CCDC148: variants seen among roughly 807,000 people sequenced by gnomAD.
CCDC148 encodes coiled-coil domain-containing protein 148.
CCDC148 carries 89 observed loss-of-function variants against 85.7 expected under a neutral mutation model. The ratio of observed to expected loss-of-function variants is 1.04; its 90% CI spans 0.87 to 1.24. CCDC148 has a LOEUF of 1.24. CCDC148 is among the 50% of genes most tolerant of loss of function. The pLI is 0.00. For synonymous variants in CCDC148, 230 were observed against 213.9 expected (o/e 1.08, Z -0.66); for missense variants, 692 against 671.7 (o/e 1.03, Z -0.33).
At chr2:158,215,527 C>T (rs1309969925) in intron 11 of CCDC148, among the ~76,000 whole-genome samples, 2 of 151,712 alleles carry the variant, frequency 1.3e-5, no homozygotes, top group Admixed American at 1.3e-4. Flanking sequence ...GAAGGAGGCA[C>T]CTTTTTCTTT....
chr2:158,340,727 T>C (rs1448464471), intron 3 of CCDC148, 47 bp from the exon 4 acceptor site: 20 of 1,119,252 alleles, frequency 1.8e-5, no homozygotes, highest in Non-Finnish European at 2.6e-5. Flanking sequence ...TAAACATACA[T>C]CTAGGTTTTT....
At chr2:158,176,785 AG>A in intron 12 of CCDC148, 124 bp from the exon 13 acceptor site, 5 of 1,086,296 alleles carry the variant, frequency 4.6e-6, no homozygotes, top group Non-Finnish European at 6.6e-6. Flanking sequence ...CTGAGAGGAA[AG>A]GGCAGAAGAA....
intron 9 of CCDC148, among the ~76,000 whole-genome samples, chr2:158,277,797 C>G (rs1171694842): frequency 6.6e-6 from 1 of 152,238 alleles, no homozygotes; most frequent in East Asian, 1.9e-4. Context: ...GGGGTTTCAC[C>G]GTGTTAGCCA....
chr2:158,264,509 G>A (rs766008399), intron 9 of CCDC148, among the ~76,000 whole-genome samples: 5 of 152,112 alleles, frequency 3.3e-5, no homozygotes, highest in Non-Finnish European at 5.9e-5. Context: ...ATGTTGATAT[G>A]TGTGCATTTT....
At chr2:158,306,944 G>A (rs1173596131) in intron 9 of CCDC148, among the ~76,000 whole-genome samples, 2 of 151,094 alleles carry the variant, frequency 1.3e-5, no homozygotes, top group African/African-American at 2.4e-5. Flanking sequence ...GCGTGAACCC[G>A]GGAGGCGCAG....
At chr2:158,287,431 A>C (rs1690678380) in intron 9 of CCDC148, among the ~76,000 whole-genome samples, 1 of 152,150 alleles carries the variant, frequency 6.6e-6, no homozygotes, top group Admixed American at 6.5e-5. Flanking sequence ...AGAAAATCAA[A>C]AGCAAGTTAG....
At chr2:158,212,022 CTAT>C (rs548646953) in intron 11 of CCDC148, among the ~76,000 whole-genome samples, 1 of 151,924 alleles carries the variant, frequency 6.6e-6, no homozygotes, top group African/African-American at 2.4e-5. Context: ...GTCATAAGTA[CTAT>C]TATTATTATT....
chr2:158,330,351 ATGAAGCCCACT>A (rs1273701956), intron 7 of CCDC148, among the ~76,000 whole-genome samples: 4 of 152,166 alleles, frequency 2.6e-5, no homozygotes, highest in Non-Finnish European at 4.4e-5. Flanking sequence ...CATCCCAGGG[ATGAAGCCCACT>A]TGATTATGGT....
At chr2:158,305,675 G>C (rs141427410) in intron 9 of CCDC148, among the ~76,000 whole-genome samples, 1,876 of 150,288 alleles carry the variant, frequency 0.012, 34 homozygotes, top group African/African-American at 0.039. Flanking sequence ...GATCACTTGA[G>C]CCTGGGACAT....
Position 158,338,891 on chromosome 2 carries a change from A to G in CCDC148, c.599T>C (p.Leu200Ser). ...DWSIKILDHSLEEKTNPLSEL... is the reference protein window; with the variant it reads ...DWSIKILDHSSEEKTNPLSEL... The stretch of plus-strand genomic sequence containing the variant: ...ACTAAGCGGGTTAGTCTTTTCTTCC[A>G]AAGAATGATCTAGAATCTGAAAAAA... The change falls in exon 7 of 14, where the codon TTG becomes TCG. Residue 200 changes from leucine (L) to serine (S), a missense_variant. Physicochemically the swap from Leu to Ser is moderately radical, Grantham distance 145. Transcript: ENST00000283233. 6.2e-7 allele frequency: 1 copy of G among 1,604,636 alleles called. No homozygotes were observed. Among genetic ancestry groups the G allele is most frequent in the South Asian group, 1.1e-5 (1 of 88,604 alleles).
At chr2:158,318,010 T>C (rs914054906) in intron 7 of CCDC148, among the ~76,000 whole-genome samples, 9 of 152,208 alleles carry the variant, frequency 5.9e-5, no homozygotes, top group African/African-American at 1.7e-4. Flanking sequence ...GACCATCCTC[T>C]TGTCTGGCTG....
intron 13 of CCDC148, among the ~76,000 whole-genome samples, chr2:158,172,804 T>C (rs1684381019): frequency 6.6e-6 from 1 of 152,082 alleles, no homozygotes; most frequent in Admixed American, 6.6e-5. Context: ...GAAGTAGACA[T>C]ATGAGTAGTT....
At chr2:158,421,670 T>A (rs903725463) in intron 1 of CCDC148, among the ~76,000 whole-genome samples, 1 of 151,866 alleles carries the variant, frequency 6.6e-6, no homozygotes, top group Non-Finnish European at 1.5e-5. Context: ...AACATCACAA[T>A]TAAAAGAACT....
rs186119824 is a variant in CCDC148, at chr2:158,265,530, T to C, written c.1111-14618A>G. Among the ~76,000 whole-genome samples, 854 of 152,276 alleles carry C rather than the reference T, an allele frequency of 5.6e-3. 11 individuals carry two copies. The highest frequency in any genetic ancestry group is 0.02 in the African/African-American group (813 of 41,568). ...ATAAATTAAAGTATATTTATTGAAT[T>C]AATAAGAAAATGTTTCTAACTTATA... On this transcript the variant is annotated intron_variant, in intron 9 of 13. Transcript: ENST00000283233.
intron 9 of CCDC148, among the ~76,000 whole-genome samples, chr2:158,303,271 G>A (rs773630864): frequency 3.9e-5 from 6 of 152,052 alleles, no homozygotes; most frequent in Non-Finnish European, 7.4e-5. Flanking sequence ...CACACTCTGT[G>A]GGCCTACTTT....
At chr2:158,302,998 T>C (rs1277769358) in intron 9 of CCDC148, among the ~76,000 whole-genome samples, 5 of 152,120 alleles carry the variant, frequency 3.3e-5, no homozygotes, top group Admixed American at 2.6e-4. Flanking sequence ...GAGGCCTAAA[T>C]GCCTCTGCTT....
At chr2:158,182,832 A>G (rs1258932202) in intron 11 of CCDC148, among the ~76,000 whole-genome samples, 1 of 152,198 alleles carries the variant, frequency 6.6e-6, no homozygotes, top group Non-Finnish European at 1.5e-5. Flanking sequence ...AGTGATGCAG[A>G]AAAACTCCTG....
intron 1 of CCDC148, among the ~76,000 whole-genome samples, chr2:158,404,737 G>A (rs1478954490): frequency 6.6e-6 from 1 of 152,076 alleles, no homozygotes. Flanking sequence ...CATCAAGCCA[G>A]GAAGGCAGTA....
chr2:158,263,521 C>T (rs1011038651), intron 9 of CCDC148, among the ~76,000 whole-genome samples: 1 of 152,004 alleles, frequency 6.6e-6, no homozygotes, highest in Non-Finnish European at 1.5e-5. Flanking sequence ...CTACCACATG[C>T]TAAATTCAAA....
Sources: gnomAD v4.1 joint callset for allele counts (sites outside exome capture counted in the v4.1 genomes callset) on GRCh38, gnomAD v4.1.1 for gene constraint, MANE v1.5 for transcripts, NCBI Gene and HGNC (gene_info 2026-07-23, HGNC 2026-07-21) for gene names.